Variants in PRKCE observed in about 807,000 individuals in gnomAD.
PRKCE encodes protein kinase C epsilon.
PRKCE carries 16 observed loss-of-function variants against 85.4 expected under a neutral mutation model. The ratio of observed to expected loss-of-function variants is 0.19; its 90% CI spans 0.13 to 0.28. The LOEUF (loss-of-function observed/expected upper bound fraction) is 0.28. Among genes scored for constraint, PRKCE ranks in the 10% least tolerant of loss-of-function variants. PRKCE has a pLI of 1.00. For missense variants in PRKCE, 573 were observed against 975.2 expected (o/e 0.59, Z 5.49); for synonymous variants, 388 against 371.5 (o/e 1.04, Z -0.51).
rs13020767 is a variant in PRKCE, at chr2:45,780,981, G to A, written c.349-62019G>A. Among the ~76,000 whole-genome samples the A allele has an allele frequency of 3.4e-3, 515 of 152,254 alleles. 1 individual carries two copies. Among genetic ancestry groups the A allele is most frequent in the Admixed American group, 5.9e-3 (90 of 15,284 alleles). Reference sequence around the variant, plus strand: ...GTGTTTGCAGAAATTGCCAGGGCTCGTGAAATGCTTTACATATTGTATCAC... The same window carrying A: ...GTGTTTGCAGAAATTGCCAGGGCTCATGAAATGCTTTACATATTGTATCAC... On this transcript the variant is annotated intron_variant, in intron 1 of 14. Coordinates refer to ENST00000306156, the MANE Select transcript of PRKCE (RefSeq NM_005400.3).
intron 11 of PRKCE, among the ~76,000 whole-genome samples, chr2:46,109,256 G>A (rs994015056): frequency 1.3e-5 from 2 of 152,070 alleles, no homozygotes; most frequent in African/African-American, 4.8e-5. Context: ...GATGGGTATT[G>A]TATTGAATCT....
chr2:45,832,284 C>T lies in PRKCE; in HGVS notation c.349-10716C>T, dbSNP rs181515388. 8.1e-4 allele frequency among the ~76,000 whole-genome samples: 123 copies of T among 151,534 alleles called. 1 individual carries two copies. The highest frequency in any genetic ancestry group is 6.7e-3 in the Admixed American group (102 of 15,212). ...CCAGGAGGACAATGAAGGAGCATTACTCTCATTGCTCTTGTGTCCAAGGAG... is the reference window on the plus strand; with the variant it reads ...CCAGGAGGACAATGAAGGAGCATTATTCTCATTGCTCTTGTGTCCAAGGAG... On this transcript the variant is annotated intron_variant, in intron 1 of 14. Transcript: ENST00000306156.
chr2:45,671,391 G>A (rs17033965), intron 1 of PRKCE, among the ~76,000 whole-genome samples: 21,319 of 152,154 alleles, frequency 0.14, 1,665 homozygotes, highest in East Asian at 0.23. Context: ...CGGGTATATA[G>A]TCTCCCAAAC....
chr2:45,748,411 G>T (rs768074144), intron 1 of PRKCE, among the ~76,000 whole-genome samples: 3 of 152,224 alleles, frequency 2.0e-5, no homozygotes, highest in African/African-American at 7.2e-5. Flanking sequence ...GTGAGAGAGC[G>T]CAAGCAAGCT....
At chr2:46,102,252 G>A (rs1671311884) in intron 11 of PRKCE, among the ~76,000 whole-genome samples, 2 of 152,168 alleles carry the variant, frequency 1.3e-5, no homozygotes, top group South Asian at 2.1e-4. Flanking sequence ...ATGAAGATAA[G>A]AGAAAGCATT....
intron 14 of PRKCE, among the ~76,000 whole-genome samples, chr2:46,166,275 T>G (rs1678333269): frequency 6.6e-6 from 1 of 152,218 alleles, no homozygotes; most frequent in African/African-American, 2.4e-5. Context: ...TAACATGGGT[T>G]GTGATGATGG....
intron 1 of PRKCE, among the ~76,000 whole-genome samples, chr2:45,758,523 G>C (rs1022096615): frequency 2.0e-5 from 3 of 152,132 alleles, no homozygotes; most frequent in Admixed American, 1.3e-4. Flanking sequence ...ACTTTTCCTT[G>C]AGATGAACTC....
At chr2:45,853,217 G>A (rs1307981673) in intron 2 of PRKCE, among the ~76,000 whole-genome samples, 1 of 152,170 alleles carries the variant, frequency 6.6e-6, no homozygotes, top group Non-Finnish European at 1.5e-5. Context: ...TTGTTAGAGA[G>A]CTGGGAAATG....
At chr2:46,132,131 G>C (rs1203857496) in intron 11 of PRKCE, among the ~76,000 whole-genome samples, 1 of 152,084 alleles carries the variant, frequency 6.6e-6, no homozygotes, top group Non-Finnish European at 1.5e-5. Context: ...TTCACTGACT[G>C]ACCACGCTCT....
chr2:45,941,291 G>A (rs1699862058), intron 2 of PRKCE, among the ~76,000 whole-genome samples: 1 of 152,160 alleles, frequency 6.6e-6, no homozygotes, highest in Non-Finnish European at 1.5e-5. Flanking sequence ...TGGTGCATGT[G>A]CAGTGACCAG....
chr2:45,781,523 G>C (rs1421148073), intron 1 of PRKCE, among the ~76,000 whole-genome samples: 1 of 152,138 alleles, frequency 6.6e-6, no homozygotes, highest in African/African-American at 2.4e-5. Flanking sequence ...ATTTGCAGTT[G>C]CAAGTGTCAG....
intron 10 of PRKCE, among the ~76,000 whole-genome samples, chr2:46,040,019 T>C (rs1708127854): frequency 6.6e-6 from 1 of 152,214 alleles, no homozygotes; most frequent in Non-Finnish European, 1.5e-5. Flanking sequence ...GGGGAGGACA[T>C]TTAATTTGAG....
chr2:45,816,856 C>T (rs1482003895), intron 1 of PRKCE, among the ~76,000 whole-genome samples: 2 of 152,068 alleles, frequency 1.3e-5, no homozygotes, highest in Non-Finnish European at 2.9e-5. Context: ...ACAAGGGGAT[C>T]GGCTTAATTC....
chr2:46,098,486 C>T (rs1030753288), intron 11 of PRKCE, among the ~76,000 whole-genome samples: 1 of 152,168 alleles, frequency 6.6e-6, no homozygotes, highest in Admixed American at 6.5e-5. Flanking sequence ...TCATAAGATT[C>T]ACTTTGTCCA....
intron 14 of PRKCE, among the ~76,000 whole-genome samples, chr2:46,160,550 G>A (rs573098710): frequency 6.7e-6 from 1 of 148,274 alleles, no homozygotes; most frequent in East Asian, 2.0e-4. Flanking sequence ...GAAAATTGAG[G>A]TAGCCGGCTG....
intron 1 of PRKCE, among the ~76,000 whole-genome samples, chr2:45,805,863 T>C (rs75849377): frequency 0.032 from 4,844 of 152,268 alleles, 152 homozygotes; most frequent in East Asian, 0.092. Flanking sequence ...CCTCCCAAAG[T>C]GCTGGGATTA....
chr2:45,886,856 A>T (rs1011896440), intron 2 of PRKCE, among the ~76,000 whole-genome samples: 3 of 152,252 alleles, frequency 2.0e-5, no homozygotes, highest in Non-Finnish European at 1.5e-5. Flanking sequence ...CTTGAATGCT[A>T]GTAATGATAG....
intron 6 of PRKCE, among the ~76,000 whole-genome samples, chr2:45,991,209 G>C (rs536353664): frequency 1.3e-5 from 2 of 151,604 alleles, no homozygotes; most frequent in South Asian, 4.2e-4. Flanking sequence ...GTTTCATCAT[G>C]TTGGCCAGGG....
intron 1 of PRKCE, among the ~76,000 whole-genome samples, chr2:45,818,990 G>C (rs1313726193): frequency 6.6e-6 from 1 of 152,182 alleles, no homozygotes; most frequent in Non-Finnish European, 1.5e-5. Context: ...AGGAGGTAGG[G>C]AGGAAAAAGG....
Sources: gnomAD v4.1 joint callset for allele counts (sites outside exome capture counted in the v4.1 genomes callset) on GRCh38, gnomAD v4.1.1 for gene constraint, MANE v1.5 for transcripts, NCBI Gene and HGNC (gene_info 2026-07-23, HGNC 2026-07-21) for gene names.